The following KAT2B variants were observed in gnomAD, a reference collection of about 807,000 sequenced individuals.
KAT2B encodes the protein histone acetyltransferase KAT2B.
KAT2B carries 36 observed loss-of-function variants against 105.9 expected under a neutral mutation model. The observed-to-expected ratio is 0.34, with a 90% confidence interval of 0.26 to 0.45. The LOEUF (loss-of-function observed/expected upper bound fraction) is 0.45, where lower values mean the gene tolerates loss of function less well. Ranked by LOEUF, KAT2B falls within the 20% of genes least tolerant of loss-of-function variation. KAT2B has a pLI of 1.00. For synonymous variants in KAT2B, 397 were observed against 377.9 expected (o/e 1.05, Z -0.59); for missense variants, 820 against 1,021.6 (o/e 0.80, Z 2.69).
chr3:20,106,639 A>G (rs1178084865), intron 5 of KAT2B, among the ~76,000 whole-genome samples: 1 of 152,146 alleles, frequency 6.6e-6, no homozygotes, highest in Non-Finnish European at 1.5e-5. Context: ...TTATTTGAAC[A>G]TTTTTACTAG....
At position 20,095,275 on chromosome 3, in the gene KAT2B, C is replaced by T; in HGVS notation, c.443C>T (p.Ser148Phe). The T allele has an allele frequency of 6.2e-7, 1 of 1,611,716 alleles. No individual in the cohort carries two copies. The highest frequency in any genetic ancestry group is 8.5e-7 in the Non-Finnish European group (1 of 1,178,598). ...SCSHALAAHV[S>F]HLENVSEEEM... Reference sequence around the variant, plus strand: ...ATCTTATCATAAGCTGCTCATGTTTCCCACCTGGAGAATGTGTCAGAGGAA... The same window carrying T: ...ATCTTATCATAAGCTGCTCATGTTTTCCACCTGGAGAATGTGTCAGAGGAA... The change falls in exon 3 of 18, where the codon TCC becomes TTC. Residue 148 changes from serine (S) to phenylalanine (F), a missense_variant. Coordinates refer to ENST00000263754, the MANE Select transcript of KAT2B (RefSeq NM_003884.5).
chr3:20,127,956 A>C (rs757479044), intron 11 of KAT2B, among the ~76,000 whole-genome samples: 25 of 152,124 alleles, frequency 1.6e-4, no homozygotes, highest in Non-Finnish European at 3.2e-4. Context: ...CTTGCCTGCC[A>C]CTCACCTCGT....
chr3:20,063,174 C>T (rs1266505716), intron 1 of KAT2B, among the ~76,000 whole-genome samples: 2 of 151,920 alleles, frequency 1.3e-5, no homozygotes, highest in Non-Finnish European at 2.9e-5. Flanking sequence ...CTCAAGGGAT[C>T]TGCCTGCCTC....
chr3:20,080,678 G>A (rs926960053), intron 2 of KAT2B, among the ~76,000 whole-genome samples: 1 of 152,178 alleles, frequency 6.6e-6, no homozygotes, highest in African/African-American at 2.4e-5. Flanking sequence ...TACCTGCTGT[G>A]TCCAACACAG....
At chr3:20,081,835 T>C (rs1367575159) in intron 2 of KAT2B, among the ~76,000 whole-genome samples, 2 of 150,868 alleles carry the variant, frequency 1.3e-5, no homozygotes, top group Non-Finnish European at 2.9e-5. Context: ...TTTCCCTAGA[T>C]TTACCTATTA....
chr3:20,096,371 C>T (rs1247876132), intron 3 of KAT2B, among the ~76,000 whole-genome samples: 1 of 151,868 alleles, frequency 6.6e-6, no homozygotes, highest in African/African-American at 2.4e-5. Context: ...CCAGGACTAA[C>T]GATGTGGGAA....
intron 2 of KAT2B, among the ~76,000 whole-genome samples, chr3:20,082,569 T>C (rs2125188174): frequency 6.6e-6 from 1 of 152,320 alleles, no homozygotes; most frequent in East Asian, 1.9e-4. Flanking sequence ...TTATTTTATT[T>C]GTTGACTTTT....
intron 1 of KAT2B, among the ~76,000 whole-genome samples, chr3:20,053,536 A>G (rs1281756006): frequency 6.6e-6 from 1 of 152,226 alleles, no homozygotes; most frequent in African/African-American, 2.4e-5. Flanking sequence ...CCCTGTCTCA[A>G]AAAACAAGAC....
At chr3:20,048,495 T>A (rs1041547402) in intron 1 of KAT2B, among the ~76,000 whole-genome samples, 3 of 152,334 alleles carry the variant, frequency 2.0e-5, no homozygotes, top group Admixed American at 6.5e-5. Context: ...TAGCCAGATT[T>A]AATTCTGCGG....
chr3:20,080,847 T>C (rs1028365421), intron 2 of KAT2B, among the ~76,000 whole-genome samples: 7 of 152,246 alleles, frequency 4.6e-5, no homozygotes, highest in Non-Finnish European at 8.8e-5. Flanking sequence ...AATAATACTT[T>C]GGTATATATT....
chr3:20,040,993 A>G (rs1051465300), intron 1 of KAT2B, among the ~76,000 whole-genome samples: 2 of 152,232 alleles, frequency 1.3e-5, no homozygotes, highest in African/African-American at 4.8e-5. Context: ...GGGATCACTA[A>G]GACGGAGAGC....
At chr3:20,066,661 A>C (rs1387815938) in intron 1 of KAT2B, among the ~76,000 whole-genome samples, 1 of 151,954 alleles carries the variant, frequency 6.6e-6, no homozygotes, top group Non-Finnish European at 1.5e-5. Context: ...TCGGCATCCC[A>C]AAGTGCTGGG....
intron 17 of KAT2B, 116 bp from the exon 18 acceptor site, chr3:20,152,216 T>TTGGGATGATAAAAATG (rs1699879968): frequency 1.6e-6 from 1 of 618,498 alleles, no homozygotes; most frequent in African/African-American, 1.8e-5. Flanking sequence ...AATAAAAGCA[T>TTGGGATGATAAAAATG]TGGGATGATA....
intron 17 of KAT2B, among the ~76,000 whole-genome samples, chr3:20,150,978 A>G (rs1699859837): frequency 6.6e-6 from 1 of 152,200 alleles, no homozygotes; most frequent in Admixed American, 6.5e-5. Context: ...AAGTGAAAGG[A>G]ATGTAAACAT....
At chr3:20,143,368 A>C (rs527270655) in intron 13 of KAT2B, among the ~76,000 whole-genome samples, 26 of 152,298 alleles carry the variant, frequency 1.7e-4, no homozygotes, top group African/African-American at 6.0e-4. Flanking sequence ...TATTATTAAG[A>C]AGTTAAAAAA....
At chr3:20,059,988 G>C (rs1698072132) in intron 1 of KAT2B, among the ~76,000 whole-genome samples, 1 of 152,094 alleles carries the variant, frequency 6.6e-6, no homozygotes, top group African/African-American at 2.4e-5. Context: ...TACAGTATGT[G>C]GCCTTTTATG....
chr3:20,139,346 CACTG>C (rs1260466700), intron 12 of KAT2B, among the ~76,000 whole-genome samples: 5 of 152,096 alleles, frequency 3.3e-5, no homozygotes, highest in African/African-American at 9.7e-5. Context: ...TGGTAAAACT[CACTG>C]AGAACTTAAT....
intron 2 of KAT2B, 132 bp downstream of exon 2, chr3:20,072,591 T>C (rs1698344837): frequency 1.2e-6 from 1 of 826,764 alleles, no homozygotes; most frequent in Non-Finnish European, 2.0e-6. Context: ...CAAGAGCCTC[T>C]CTAGTCTCAC....
chr3:20,149,712 TTCTC>T (rs1363092828), intron 17 of KAT2B, among the ~76,000 whole-genome samples: 2 of 152,112 alleles, frequency 1.3e-5, no homozygotes, highest in East Asian at 3.9e-4. Context: ...TCTTTCTCTC[TTCTC>T]TCTGACTTAC....
Sources: gnomAD v4.1 joint callset for allele counts (sites outside exome capture counted in the v4.1 genomes callset) on GRCh38, gnomAD v4.1.1 for gene constraint, MANE v1.5 for transcripts, NCBI Gene and HGNC (gene_info 2026-07-23, HGNC 2026-07-21) for gene names.